The following ADAM29 variants were observed in gnomAD, a reference collection of about 807,000 sequenced individuals.
ADAM29 encodes ADAM metallopeptidase domain 29.
For synonymous variants in ADAM29, 367 were observed against 342.3 expected (o/e 1.07, Z -0.80); for missense variants, 969 against 1,001.8 (o/e 0.97, Z 0.44).
intron 4 of ADAM29, among the ~76,000 whole-genome samples, chr4:174,965,780 A>G (rs1354626408): frequency 6.6e-6 from 1 of 151,556 alleles, no homozygotes; most frequent in East Asian, 1.9e-4. Context: ...GAATCTCATC[A>G]TGGGGGCCTT....
At chr4:174,963,118 T>C (rs922883216) in intron 4 of ADAM29, among the ~76,000 whole-genome samples, 3 of 152,116 alleles carry the variant, frequency 2.0e-5, no homozygotes, top group Non-Finnish European at 4.4e-5. Context: ...TTAACTTCCA[T>C]GTACATGGGA....
intron 4 of ADAM29, among the ~76,000 whole-genome samples, chr4:174,974,113 G>T (rs1196015794): frequency 3.9e-5 from 6 of 152,162 alleles, no homozygotes; most frequent in African/African-American, 1.4e-4. Context: ...ACTGTGTTTG[G>T]TGGGCCTGCC....
chr4:174,935,366 A>G (rs1224313329), intron 3 of ADAM29, among the ~76,000 whole-genome samples: 2 of 152,160 alleles, frequency 1.3e-5, no homozygotes, highest in Non-Finnish European at 2.9e-5. Flanking sequence ...ACATAAACTC[A>G]ATAAGCCCAT....
intron 4 of ADAM29, among the ~76,000 whole-genome samples, chr4:174,948,969 A>G (rs900603682): frequency 6.6e-5 from 10 of 152,122 alleles, no homozygotes; most frequent in African/African-American, 2.4e-4. Flanking sequence ...GCATGCTGGA[A>G]AAGCTGCACG....
At chr4:174,956,868 A>G (rs1745536421) in intron 4 of ADAM29, among the ~76,000 whole-genome samples, 1 of 151,840 alleles carries the variant, frequency 6.6e-6, no homozygotes, top group Admixed American at 6.6e-5. Context: ...CTATAAGCAA[A>G]TTTTCCAGGA....
chr4:174,947,693 C>T lies in ADAM29; in HGVS notation c.-181+10680C>T, dbSNP rs1003092481. Among the ~76,000 whole-genome samples the T allele has an allele frequency of 5.3e-5, 8 of 152,160 alleles. No individual in the cohort carries two copies. The East Asian group carries it at 1.5e-3, about 29-fold the overall frequency. Reference sequence around the variant, plus strand: ...TCAATATTAGAGTGTGTGCCATGTGCAGATAAGAATAATGTACACTGTGTT... The same window carrying T: ...TCAATATTAGAGTGTGTGCCATGTGTAGATAAGAATAATGTACACTGTGTT... On this transcript the variant is annotated intron_variant, in intron 4 of 4. Transcript: ENST00000359240.
intron 4 of ADAM29, among the ~76,000 whole-genome samples, chr4:174,966,967 G>A (rs902041942): frequency 3.9e-5 from 6 of 152,084 alleles, no homozygotes; most frequent in African/African-American, 9.7e-5. Context: ...CTGTGTGTAC[G>A]TTTTCCTGCA....
intron 4 of ADAM29, among the ~76,000 whole-genome samples, chr4:174,956,520 GAGA>G (rs72133714): frequency 0.42 from 62,989 of 150,812 alleles, 13,669 homozygotes; most frequent in African/African-American, 0.54. Flanking sequence ...GTGAGAGAGA[GAGA>G]AAAAAAAGAG....
intron 4 of ADAM29, among the ~76,000 whole-genome samples, chr4:174,961,220 T>G (rs1745800987): frequency 1.3e-5 from 2 of 151,960 alleles, no homozygotes; most frequent in South Asian, 4.1e-4. Flanking sequence ...ATTATATTGC[T>G]AGAAAATATC....
chr4:174,969,635 T>C (rs991143155), intron 4 of ADAM29, among the ~76,000 whole-genome samples: 1 of 152,048 alleles, frequency 6.6e-6, no homozygotes, highest in African/African-American at 2.4e-5. Flanking sequence ...AAGAATGCTA[T>C]ACCAACATAA....
intron 4 of ADAM29, among the ~76,000 whole-genome samples, chr4:174,950,763 A>G (rs1745121182): frequency 6.6e-6 from 1 of 152,132 alleles, no homozygotes; most frequent in Admixed American, 6.5e-5. Context: ...TTCAGTGTTG[A>G]AGGAAGGGCC....
At chr4:174,919,933 T>C (rs867812707) in intron 1 of ADAM29, among the ~76,000 whole-genome samples, 1 of 152,334 alleles carries the variant, frequency 6.6e-6, no homozygotes, top group Middle Eastern at 3.4e-3. Flanking sequence ...TCTTATTCTG[T>C]CTGCCACGTT....
intron 2 of ADAM29, among the ~76,000 whole-genome samples, chr4:174,927,369 A>G (rs182189585): frequency 6.6e-6 from 1 of 152,306 alleles, no homozygotes; most frequent in East Asian, 1.9e-4. Context: ...AAAAACTGCA[A>G]TTACTTTTGC....
At chr4:174,961,298 T>C (rs751175086) in intron 4 of ADAM29, among the ~76,000 whole-genome samples, 82 of 151,424 alleles carry the variant, frequency 5.4e-4, no homozygotes, top group Non-Finnish European at 1.0e-3. Flanking sequence ...TATATTTATC[T>C]ATAATAGATA....
At chr4:174,947,662 G>T (rs1169251525) in intron 4 of ADAM29, among the ~76,000 whole-genome samples, 3 of 152,126 alleles carry the variant, frequency 2.0e-5, no homozygotes, top group Non-Finnish European at 2.9e-5. Context: ...ATGGCTGATT[G>T]TATGGTCAAT....
intron 2 of ADAM29, among the ~76,000 whole-genome samples, chr4:174,923,091 T>G (rs1458522461): frequency 6.6e-6 from 1 of 152,112 alleles, no homozygotes; most frequent in Admixed American, 6.5e-5. Flanking sequence ...AGTCTCACTC[T>G]GTTGCCTAGG....
chr4:174,962,906 A>C (rs1320112633), intron 4 of ADAM29, among the ~76,000 whole-genome samples: 1 of 152,222 alleles, frequency 6.6e-6, no homozygotes, highest in African/African-American at 2.4e-5. Flanking sequence ...TCAATAAAAT[A>C]ACATGAAAAA....
At chr4:174,942,276 G>A (rs1449643482) in intron 4 of ADAM29, among the ~76,000 whole-genome samples, 1 of 152,172 alleles carries the variant, frequency 6.6e-6, no homozygotes, top group Non-Finnish European at 1.5e-5. Flanking sequence ...GCTTCACTAG[G>A]CATTGCTCCA....
chr4:174,922,550 A>G (rs1203596489), intron 2 of ADAM29, among the ~76,000 whole-genome samples: 1 of 152,138 alleles, frequency 6.6e-6, no homozygotes, highest in East Asian at 1.9e-4. Context: ...ACTCAGAGGT[A>G]CCATTTATGG....
Sources: allele counts gnomAD v4.1 joint callset (sites outside exome capture counted in the v4.1 genomes callset), GRCh38; gene constraint gnomAD v4.1.1; transcripts MANE v1.5; gene names NCBI Gene and HGNC (gene_info 2026-07-23, HGNC 2026-07-21).